Variants in ZNF423 observed in about 807,000 individuals in gnomAD.
The protein encoded by ZNF423 is zinc finger protein 423.
In ZNF423, 12 loss-of-function variants were observed where a neutral mutation model predicts 95.8. The ratio of observed to expected loss-of-function variants is 0.13; its 90% CI spans 0.08 to 0.20. The LOEUF (loss-of-function observed/expected upper bound fraction) is 0.20. Ranked by LOEUF, ZNF423 falls within the 10% of genes least tolerant of loss-of-function variation. The pLI, the probability that ZNF423 is intolerant of heterozygous loss-of-function variation, is 1.00. For synonymous variants in ZNF423, 749 were observed against 711.9 expected, an observed-to-expected ratio of 1.05 and a Z score of -0.83; for missense variants, 1,316 against 1,737.1, an observed-to-expected ratio of 0.76 and a Z score of 4.31.
At chr16:49,824,109 T>C (rs956395012) in intron 1 of ZNF423, among the ~76,000 whole-genome samples, 4 of 151,926 alleles carry the variant, frequency 2.6e-5, no homozygotes, top group African/African-American at 9.7e-5. Context: ...AAAAGGGTAG[T>C]TTTTCTCATC....
chr16:49,856,807 G>A (rs998526827), upstream of ZNF423, among the ~76,000 whole-genome samples: 97 of 148,162 alleles, frequency 6.5e-4, 1 homozygote, highest in Middle Eastern at 3.4e-3. Context: ...GAGGCGCGCA[G>A]CCGATCCCCA....
In ZNF423 at chr16:49,490,313, GGA is replaced by G. The variant is rs1186730243; in HGVS notation, c.*960_*961del. Reference sequence around the variant, plus strand: ...GTGACCAACCTGCTGCGTGGCCTTGGGAAAGCTGCACGTTACCCTTGGGCCTC... The same window carrying G: ...GTGACCAACCTGCTGCGTGGCCTTGGAAGCTGCACGTTACCCTTGGGCCTC... On this transcript the variant is annotated 3_prime_UTR_variant, in exon 8 of 8. Transcript: ENST00000563137. 6.6e-6 allele frequency: 1 copy of G among 152,276 alleles called. No individual in the cohort carries two copies. The highest frequency in any genetic ancestry group is 1.5e-5 in the Non-Finnish European group (1 of 68,060). 9.4% of individuals were successfully genotyped at this position (152,276 alleles called of 1,614,324 possible). A position where few individuals can be genotyped will look rare whatever the true frequency, so the allele number is the denominator to read the frequency against.
At chr16:49,494,888 C>G (rs182134265) in intron 7 of ZNF423, among the ~76,000 whole-genome samples, 2 of 152,374 alleles carry the variant, frequency 1.3e-5, no homozygotes, top group South Asian at 4.1e-4. Context: ...TTAAAGAGTT[C>G]TTTCCATCCA....
At chr16:49,695,528 G>C (rs1272811572) in intron 3 of ZNF423, among the ~76,000 whole-genome samples, 1 of 152,192 alleles carries the variant, frequency 6.6e-6, no homozygotes, top group South Asian at 2.1e-4. Flanking sequence ...CCCAACCTCA[G>C]GTGATCCGCC....
intron 1 of ZNF423, chr16:49,854,105 C>T: frequency 1.0e-6 from 1 of 985,308 alleles, no homozygotes. Flanking sequence ...CCGTCCTCTT[C>T]TTGGAGTCTC....
At chr16:49,731,696 G>A (rs2143399247) in intron 2 of ZNF423, among the ~76,000 whole-genome samples, 1 of 152,212 alleles carries the variant, frequency 6.6e-6, no homozygotes, top group Non-Finnish European at 1.5e-5. Flanking sequence ...AGTGGTGTGT[G>A]CCTGTAGTTC....
chr16:49,573,103 T>C (rs1281363812), intron 5 of ZNF423, among the ~76,000 whole-genome samples: 1 of 152,108 alleles, frequency 6.6e-6, no homozygotes, highest in African/African-American at 2.4e-5. Flanking sequence ...TATATGAACA[T>C]GTGGACGATG....
chr16:49,495,047 G>T (rs904490876), intron 7 of ZNF423, among the ~76,000 whole-genome samples: 1 of 152,222 alleles, frequency 6.6e-6, no homozygotes, highest in South Asian at 2.1e-4. Context: ...CATAAAGGCT[G>T]GGGGTGGAGA....
chr16:49,795,046 A>G (rs969728094), intron 1 of ZNF423, among the ~76,000 whole-genome samples: 3 of 152,056 alleles, frequency 2.0e-5, no homozygotes, highest in Non-Finnish European at 2.9e-5. Flanking sequence ...TAAATTTTGT[A>G]TTTGTAGTAG....
Position 49,638,052 on chromosome 16 carries a change from A to G in ZNF423, c.1124T>C (p.Met375Thr), listed in dbSNP as rs936241107. ...GCTGGAGTCGGGTGTGGCGCTGCTC[A>G]TGGAGGCCACGCTGCCCAGTACAGG... Reference protein sequence around the residue: ...PDPVLGSVASMSSATPDSSAS... With the variant: ...PDPVLGSVASTSSATPDSSAS... Residue 375 changes from methionine to threonine, a missense_variant, in exon 4 of 8, where the codon ATG (methionine) becomes ACG (threonine). This residue lies in a region of ZNF423 where 399 missense variants were observed against 478.5 expected (regional missense o/e 0.83). Coordinates refer to ENST00000563137, the MANE Select transcript of ZNF423 (RefSeq NM_001379286.1). The surrounding 1 kb of genome is among the most constrained non-coding windows in gnomAD (Gnocchi z 5.6). 8.7e-6 allele frequency: 14 copies of G among 1,613,824 alleles called. No homozygotes were observed. The highest frequency in any genetic ancestry group is 1.2e-5 in the Non-Finnish European group (14 of 1,179,994).
intron 1 of ZNF423, among the ~76,000 whole-genome samples, chr16:49,823,513 T>C (rs1268502863): frequency 2.0e-5 from 3 of 152,208 alleles, no homozygotes; most frequent in African/African-American, 7.2e-5. Flanking sequence ...AACAGGCCTG[T>C]GTTCCTAACC....
chr16:49,770,756 G>A (rs967709844), intron 2 of ZNF423, among the ~76,000 whole-genome samples: 1 of 152,158 alleles, frequency 6.6e-6, no homozygotes, highest in Non-Finnish European at 1.5e-5. Context: ...ATCATCTCCG[G>A]GCCCTACTAC....
At chr16:49,816,819 T>A (rs1382336014) in intron 1 of ZNF423, among the ~76,000 whole-genome samples, 1 of 152,078 alleles carries the variant, frequency 6.6e-6, no homozygotes, top group East Asian at 1.9e-4. Context: ...TTATTGTAAA[T>A]GTCTTAGTCT....
chr16:49,745,765 T>C (rs1220755681), intron 2 of ZNF423, among the ~76,000 whole-genome samples: 2 of 152,130 alleles, frequency 1.3e-5, no homozygotes, highest in African/African-American at 4.8e-5. Context: ...GAATTATAAA[T>C]TGCCGAGATG....
At chr16:49,619,352 C>A (rs1190116559) in intron 5 of ZNF423, among the ~76,000 whole-genome samples, 1 of 152,130 alleles carries the variant, frequency 6.6e-6, no homozygotes, top group Non-Finnish European at 1.5e-5. Context: ...CAGAGGCCTT[C>A]CCCCAAAACA....
chr16:49,552,465 G>A (rs964901359), intron 5 of ZNF423, among the ~76,000 whole-genome samples: 30 of 152,154 alleles, frequency 2.0e-4, no homozygotes, highest in Admixed American at 1.5e-3. Flanking sequence ...CCCTGCAGCT[G>A]TCCCCAAGGA....
At chr16:49,766,429 G>C (rs1861331) in intron 2 of ZNF423, among the ~76,000 whole-genome samples, 107,669 of 152,072 alleles carry the variant, frequency 0.71, 39,016 homozygotes, top group African/African-American at 0.86. Flanking sequence ...AGAAAACGCA[G>C]GTGCTTCCGT....
intron 1 of ZNF423, among the ~76,000 whole-genome samples, chr16:49,813,511 T>A (rs368262407): frequency 1.3e-5 from 2 of 152,024 alleles, no homozygotes. Flanking sequence ...TGGCCCAGGC[T>A]CATGCTTGAT....
intron 7 of ZNF423, among the ~76,000 whole-genome samples, chr16:49,499,257 C>T (rs913548821): frequency 1.3e-5 from 2 of 152,208 alleles, no homozygotes; most frequent in South Asian, 2.1e-4. Context: ...ACGGGATGTG[C>T]GTGAGGTTTT....
Sources: gnomAD v4.1 joint callset for allele counts (sites outside exome capture counted in the v4.1 genomes callset) on GRCh38, gnomAD v4.1.1 for gene constraint, gnomAD v4.1.1 regional missense constraint, Gnocchi (gnomAD v3.1) non-coding constraint, MANE v1.5 for transcripts, NCBI Gene and HGNC (gene_info 2026-07-23, HGNC 2026-07-21) for gene names.